PALMD: variants seen among roughly 807,000 people sequenced by gnomAD.
PALMD encodes the protein paralemmin-like protein.
Under a neutral mutation model 56.2 loss-of-function variants are expected in PALMD, and 42 were observed. The ratio of observed to expected loss-of-function variants is 0.75; its 90% CI spans 0.58 to 0.97. The LOEUF (loss-of-function observed/expected upper bound fraction) is 0.97, where lower values mean the gene tolerates loss of function less well. Among genes scored for constraint, PALMD ranks in the 50% least tolerant of loss-of-function variants. PALMD has a pLI of 0.00. For synonymous variants in PALMD, 242 were observed against 222.9 expected, an observed-to-expected ratio of 1.09 and a Z score of -0.76; for missense variants, 660 against 643.8, an observed-to-expected ratio of 1.03 and a Z score of -0.27.
At chr1:99,651,877 A>G (rs1652594171) in intron 1 of PALMD, among the ~76,000 whole-genome samples, 1 of 152,252 alleles carries the variant, frequency 6.6e-6, no homozygotes, top group Non-Finnish European at 1.5e-5. Flanking sequence ...TGTCCTAAGC[A>G]TCAAGTTTTC....
intron 1 of PALMD, among the ~76,000 whole-genome samples, chr1:99,652,674 GGAAAGGAAAGGAAAGGAAAGGAAAA>G (rs1218306939): frequency 4.8e-3 from 404 of 83,916 alleles, no homozygotes; most frequent in African/African-American, 0.019. Flanking sequence ...GGAAAGGAAA[GGAAAGGAAAGGAAAGGAAAGGAAAA>G]GAAAAGAAAA....
At chr1:99,650,106 G>A (rs1652531966) in intron 1 of PALMD, among the ~76,000 whole-genome samples, 1 of 151,858 alleles carries the variant, frequency 6.6e-6, no homozygotes, top group Non-Finnish European at 1.5e-5. Context: ...TCACAAAGAG[G>A]GTGACGTTTG....
intron 2 of PALMD, among the ~76,000 whole-genome samples, chr1:99,665,637 A>G (rs1445495092): frequency 6.6e-6 from 1 of 152,112 alleles, no homozygotes; most frequent in Non-Finnish European, 1.5e-5. Flanking sequence ...TCAGCCTCAT[A>G]AGACCACCCC....
intron 2 of PALMD, 145 bp from the exon 3 acceptor site, chr1:99,667,497 C>T (rs1271059273): frequency 4.2e-6 from 3 of 710,200 alleles, no homozygotes; most frequent in Admixed American, 2.3e-5. Context: ...AAAGAAAATA[C>T]CAGATTTATT....
chr1:99,653,518 T>C (rs1189246837), intron 1 of PALMD, among the ~76,000 whole-genome samples: 1 of 152,116 alleles, frequency 6.6e-6, no homozygotes, highest in South Asian at 2.1e-4. Flanking sequence ...GTTTAGAAAA[T>C]TTGTGCTTTT....
At chr1:99,658,561 G>C (rs2100857052) in intron 1 of PALMD, among the ~76,000 whole-genome samples, 1 of 151,724 alleles carries the variant, frequency 6.6e-6, no homozygotes, top group Non-Finnish European at 1.5e-5. Context: ...CACGAGGTCA[G>C]GAGATCGAGA....
chr1:99,667,867 C>A, intron 3 of PALMD, 101 bp downstream of exon 3: 22 of 1,048,964 alleles, frequency 2.1e-5, no homozygotes, highest in Non-Finnish European at 3.1e-5. Context: ...ATAATCAAAT[C>A]TTCCATTTGA....
chr1:99,658,630 G>C (rs752809312), intron 1 of PALMD, among the ~76,000 whole-genome samples: 7 of 152,024 alleles, frequency 4.6e-5, no homozygotes, highest in African/African-American at 7.2e-5. Context: ...AATTAACCGC[G>C]TGTGGTGGCG....
At chr1:99,652,659 A>AGAAAG (rs59533552) in intron 1 of PALMD, among the ~76,000 whole-genome samples, 1,706 of 122,184 alleles carry the variant, frequency 0.014, 34 homozygotes, top group Middle Eastern at 0.02. Flanking sequence ...AAGAAAGAAA[A>AGAAAG]GAAAGGAAAG....
chr1:99,675,684 T>C (rs1042357082), intron 3 of PALMD, among the ~76,000 whole-genome samples: 2 of 152,234 alleles, frequency 1.3e-5, no homozygotes, highest in African/African-American at 4.8e-5. Context: ...TATGTTTATT[T>C]GCATTCATTT....
intron 7 of PALMD, among the ~76,000 whole-genome samples, chr1:99,691,964 G>C (rs1006928150): frequency 6.6e-6 from 1 of 152,152 alleles, no homozygotes; most frequent in Non-Finnish European, 1.5e-5. Flanking sequence ...AGATTCAAAA[G>C]ACAAGATTTT....
At chr1:99,663,497 A>G (rs1652898937) in intron 2 of PALMD, among the ~76,000 whole-genome samples, 1 of 152,084 alleles carries the variant, frequency 6.6e-6, no homozygotes, top group Admixed American at 6.6e-5. Context: ...AAATCTAGAA[A>G]GTTTTTTAGA....
chr1:99,662,269 T>C, intron 1 of PALMD, 50 bp from the exon 2 acceptor site: 1 of 1,001,072 alleles, frequency 1.0e-6, no homozygotes, highest in Non-Finnish European at 1.6e-6. Flanking sequence ...CAAGGAAACA[T>C]AATTAAGCAA....
chr1:99,653,131 GA>G (rs1460771210), intron 1 of PALMD, among the ~76,000 whole-genome samples: 1 of 151,966 alleles, frequency 6.6e-6, no homozygotes, highest in East Asian at 1.9e-4. Context: ...CCTCAACAAC[GA>G]GCTCAACACT....
At chr1:99,658,098 C>T (rs1557667813) in intron 1 of PALMD, among the ~76,000 whole-genome samples, 1 of 151,636 alleles carries the variant, frequency 6.6e-6, no homozygotes, top group Admixed American at 6.6e-5. Flanking sequence ...CCCAGGATTT[C>T]AAGATCAGCC....
chr1:99,673,376 C>T (rs139399800), intron 3 of PALMD, among the ~76,000 whole-genome samples: 2 of 151,976 alleles, frequency 1.3e-5, no homozygotes, highest in Non-Finnish European at 2.9e-5. Flanking sequence ...AGATATGCTA[C>T]GTGAAAAATA....
At chr1:99,673,880 A>G (rs1341061557) in intron 3 of PALMD, among the ~76,000 whole-genome samples, 3 of 152,202 alleles carry the variant, frequency 2.0e-5, no homozygotes, top group Admixed American at 6.5e-5. Context: ...AGTAAAATAG[A>G]TGACGTATAG....
At chr1:99,666,138 G>A (rs1271941031) in intron 2 of PALMD, among the ~76,000 whole-genome samples, 2 of 151,876 alleles carry the variant, frequency 1.3e-5, no homozygotes, top group African/African-American at 4.8e-5. Context: ...AAGCTTTCAG[G>A]CCCCTTCACT....
At chr1:99,658,565 A>G (rs570132271) in intron 1 of PALMD, among the ~76,000 whole-genome samples, 5 of 152,100 alleles carry the variant, frequency 3.3e-5, no homozygotes, top group Non-Finnish European at 5.9e-5. Context: ...AGGTCAGGAG[A>G]TCGAGACCAT....
Sources: allele counts gnomAD v4.1 joint callset (sites outside exome capture counted in the v4.1 genomes callset), GRCh38; gene constraint gnomAD v4.1.1; transcripts MANE v1.5; gene names NCBI Gene and HGNC (gene_info 2026-07-23, HGNC 2026-07-21).